PRKCSH: variants seen among roughly 807,000 people sequenced by gnomAD.
PRKCSH encodes glucosidase 2 subunit beta.
PRKCSH carries 42 observed loss-of-function variants against 79.7 expected under a neutral mutation model. The ratio of observed to expected loss-of-function variants is 0.53; its 90% CI spans 0.41 to 0.68. The LOEUF (loss-of-function observed/expected upper bound fraction) is 0.68. Ranked by LOEUF, PRKCSH falls within the 30% of genes least tolerant of loss-of-function variation. PRKCSH has a pLI of 0.00. For missense variants in PRKCSH, 686 were observed against 709.0 expected (o/e 0.97, Z 0.37); for synonymous variants, 325 against 288.2 (o/e 1.13, Z -1.29).
Position 11,448,907 on chromosome 19 carries a change from T to G in PRKCSH, c.1287-7T>G. The G allele has an allele frequency of 6.2e-7, 1 of 1,614,062 alleles. No individual in the cohort carries two copies. The highest frequency in any genetic ancestry group is 8.5e-7 in the Non-Finnish European group (1 of 1,180,002). ...TTCCCCAACCCATATGTCCCGGTCC[T>G]CCACAGATACGTCTACCGCCTCTGC... On this transcript the variant is annotated splice_region_variant and splice_polypyrimidine_tract_variant and intron_variant, in intron 14 of 17. Coordinates refer to ENST00000677123, the MANE Select transcript of PRKCSH (RefSeq NM_001289104.2). The surrounding 1 kb of genome is among the most constrained non-coding windows in gnomAD (Gnocchi z 4.4).
At chr19:11,446,131 G>T in intron 8 of PRKCSH, 141 bp from the exon 9 acceptor site, 1 of 815,978 alleles carries the variant, frequency 1.2e-6, no homozygotes, top group Non-Finnish European at 2.0e-6. Context: ...CAGGAGGGTG[G>T]GGAGGCCCCT....
chr19:11,443,886 C>T (rs1030198992), intron 7 of PRKCSH, among the ~76,000 whole-genome samples: 1 of 152,054 alleles, frequency 6.6e-6, no homozygotes, highest in African/African-American at 2.4e-5. Context: ...AGTGATTCTC[C>T]TGCCTAGGCT....
intron 3 of PRKCSH, among the ~76,000 whole-genome samples, chr19:11,437,619 C>T (rs575355988): frequency 6.6e-6 from 1 of 152,146 alleles, no homozygotes; most frequent in African/African-American, 2.4e-5. Context: ...TCCCAAAGTG[C>T]TGGGATTACA....
At chr19:11,439,247 T>TGCGACCTTGGC (rs1403132716) in intron 5 of PRKCSH, among the ~76,000 whole-genome samples, 1 of 152,050 alleles carries the variant, frequency 6.6e-6, no homozygotes, top group African/African-American at 2.4e-5. Flanking sequence ...TAAACCTTGT[T>TGCGACCTTGGC]GCGACCTTGG....
chr19:11,443,583 G>A (rs1341092044), intron 7 of PRKCSH, among the ~76,000 whole-genome samples: 8 of 151,778 alleles, frequency 5.3e-5, no homozygotes, highest in Admixed American at 4.6e-4. Flanking sequence ...GGTGGCATCT[G>A]CCTGTGGTCC....
rs160839 is a variant in PRKCSH, at chr19:11,446,882, T to C, written c.763-192T>C. ...TGCCCCCAACCACTCCAGCCCCTGGTCTCCTCCTCCCCTCCCACGGGCCTG... is the reference window on the plus strand; with the variant it reads ...TGCCCCCAACCACTCCAGCCCCTGGCCTCCTCCTCCCCTCCCACGGGCCTG... On this transcript the variant is annotated intron_variant, in intron 9 of 17. Coordinates refer to ENST00000677123, the MANE Select transcript of PRKCSH (RefSeq NM_001289104.2). 0.16 allele frequency among the ~76,000 whole-genome samples: 24,337 copies of C among 151,910 alleles called. 2,646 individuals are homozygous for C. Among genetic ancestry groups the C allele is most frequent in the African/African-American group, 0.31 (12,666 of 41,412 alleles).
chr19:11,450,548 TC>T (rs1439645945), intron 17 of PRKCSH, 97 bp from the exon 18 acceptor site: 2 of 151,822 alleles, frequency 1.3e-5, no homozygotes, highest in African/African-American at 4.8e-5. Context: ...CCTCAAATGA[TC>T]CTCCCACCTC....
At chr19:11,446,458 C>T in intron 9 of PRKCSH, 108 bp downstream of exon 9, 1 of 1,317,662 alleles carries the variant, frequency 7.6e-7, no homozygotes, top group South Asian at 1.3e-5. Flanking sequence ...CCTGGGATGC[C>T]TCCTCTGGGT....
intron 8 of PRKCSH, 40 bp downstream of exon 8, chr19:11,445,513 G>T: frequency 3.7e-6 from 6 of 1,600,978 alleles, no homozygotes; most frequent in Non-Finnish European, 3.4e-6. Flanking sequence ...CTTTCCGTGG[G>T]CCTGGGTTTC....
At position 11,448,247 on chromosome 19, in the gene PRKCSH, C is replaced by A. The variant is rs371089264; in HGVS notation, c.1152C>A (p.Phe384Leu). 6.4e-7 allele frequency: 1 copy of A among 1,565,378 alleles called. No individual in the cohort carries two copies. The highest frequency in any genetic ancestry group is 1.2e-5 in the South Asian group (1 of 84,888). Residue 384 changes from phenylalanine to leucine, a missense_variant, in exon 13 of 18, where the codon TTC becomes TTA. Phe to Leu is a conservative substitution (Grantham distance 22). Around this residue, in one of 2 missense-constraint regions of PRKCSH, gnomAD observed 549 missense variants for 520.2 expected, o/e 1.06. Transcript: ENST00000677123. The surrounding 1 kb of genome is among the most constrained non-coding windows in gnomAD (Gnocchi z 4.4). Reference protein sequence around the residue: ...IDAAQEARNKFEEAERSLKDM... With the variant: ...IDAAQEARNKLEEAERSLKDM... ...CTGCCCAGGAGGCCCGCAACAAGTT[C>A]GAGGAGGCCGAGCGGTCGCTGAAGG...
At chr19:11,443,858 C>T (rs1404406675) in intron 7 of PRKCSH, among the ~76,000 whole-genome samples, 1 of 152,124 alleles carries the variant, frequency 6.6e-6, no homozygotes, top group Non-Finnish European at 1.5e-5. Context: ...TCACTGCAAC[C>T]TCTACCTCCT....
intron 8 of PRKCSH, chr19:11,445,976 T>A: frequency 1.8e-6 from 1 of 552,098 alleles, no homozygotes; most frequent in South Asian, 2.1e-5. Context: ...AGATGGCAGC[T>A]TCAATGTGCC....
intron 9 of PRKCSH, 22 bp downstream of exon 9, chr19:11,446,372 T>C (rs771520850): frequency 1.2e-6 from 2 of 1,607,982 alleles, no homozygotes; most frequent in South Asian, 1.1e-5. Flanking sequence ...TGCCCCTTGG[T>C]TGGGGACTTC....
In PRKCSH at chr19:11,442,472, G is replaced by A. The variant is rs777830330; in HGVS notation, c.555G>A (p.Lys185=). ...MLRTVKEEAE[K]PEREAKEQHQ... ...GGACAGTGAAGGAGGAAGCTGAGAA[G>A]CCAGAGAGAGAGGCCAAAGAGCAGC... is the stretch of plus-strand genomic sequence containing the variant. The change falls in exon 7 of 18, where the codon AAG becomes AAA. Residue 185 remains lysine, a synonymous_variant. Coordinates refer to ENST00000677123, the MANE Select transcript of PRKCSH (RefSeq NM_001289104.2). 1.2e-5 allele frequency: 19 copies of A among 1,612,204 alleles called. No homozygotes were observed. Among genetic ancestry groups the A allele is most frequent in the Middle Eastern group, 3.7e-4 (2 of 5,414 alleles).
Position 11,449,261 on chromosome 19 carries a change from C to G in PRKCSH, c.1462-5C>G. ...CCTCTCGAGCACCCGTCTGCCCATC[C>G]CCAGGTGCGCCTCCTGTGCGGGAAA... is the stretch of plus-strand genomic sequence containing the variant. On this transcript the variant is annotated splice_region_variant and splice_polypyrimidine_tract_variant and intron_variant, in intron 16 of 17. Transcript: ENST00000677123. This position sits in a 1 kb window ranked among gnomAD's most constrained non-coding sequence, Gnocchi z 6.4. 1 of 1,613,740 alleles carries G rather than the reference C, an allele frequency of 6.2e-7. No homozygotes were observed. Among genetic ancestry groups the G allele is most frequent in the Non-Finnish European group, 8.5e-7 (1 of 1,179,958 alleles).
At position 11,436,591 on chromosome 19, in the gene PRKCSH, C is replaced by T. The variant is rs1969759450; in HGVS notation, c.196+86C>T. On this transcript the variant is annotated intron_variant, in intron 3 of 17. Transcript: ENST00000677123. The stretch of plus-strand genomic sequence containing the variant: ...TGTCTGTGTGACCAAGATACTACCT[C>T]TGCTGGCTCCCCTTTGAGTGGGCAG... 3 of 1,103,670 alleles carry T rather than the reference C, an allele frequency of 2.7e-6. No individual in the cohort carries two copies. The South Asian group carries it at 4.0e-5, about 15-fold the overall frequency. 68.4% of individuals were successfully genotyped at this position (1,103,670 alleles called of 1,614,324 possible).
At position 11,447,525 on chromosome 19, in the gene PRKCSH, A is replaced by AGAG. The variant is rs3217229; in HGVS notation, c.966_968dup (p.Glu325dup). ...AGCCGCCAGTGCCCTCGTCGCCCAC[A>AGAG]GAGGAGGAGGAGGAGGAGGAGGAGG... On this transcript the variant is annotated inframe_insertion, in exon 11 of 18. Coordinates refer to ENST00000677123, the MANE Select transcript of PRKCSH (RefSeq NM_001289104.2). This position sits in a 1 kb window ranked among gnomAD's most constrained non-coding sequence, Gnocchi z 5.6. The AGAG allele has an allele frequency of 0.037, 58,943 of 1,583,420 alleles. 276 individuals are homozygous for AGAG. Among genetic ancestry groups the AGAG allele is most frequent in the African/African-American group, 0.051 (3,723 of 73,472 alleles).
intron 5 of PRKCSH, among the ~76,000 whole-genome samples, chr19:11,439,175 A>G (rs568952148): frequency 2.4e-3 from 369 of 152,178 alleles, no homozygotes; most frequent in Middle Eastern, 6.8e-3. Flanking sequence ...CCAAAGTGCT[A>G]AGCCGCCGCG....
chr19:11,446,549 C>T (rs1407054476), intron 9 of PRKCSH, among the ~76,000 whole-genome samples, 199 bp downstream of exon 9: 1 of 151,910 alleles, frequency 6.6e-6, no homozygotes, highest in Admixed American at 6.6e-5. Context: ...GAGCCCGTTT[C>T]CCCGCACCTG....
Sources: gnomAD v4.1 joint callset for allele counts (sites outside exome capture counted in the v4.1 genomes callset) on GRCh38, gnomAD v4.1.1 for gene constraint, gnomAD v4.1.1 regional missense constraint, Gnocchi (gnomAD v3.1) non-coding constraint, MANE v1.5 for transcripts, NCBI Gene and HGNC (gene_info 2026-07-23, HGNC 2026-07-21) for gene names.